DCP1B: variants seen among roughly 807,000 people sequenced by gnomAD.
DCP1B encodes decapping mRNA 1B.
A neutral mutation model predicts 60.5 loss-of-function variants in DCP1B; 47 were observed. The observed-to-expected ratio is 0.78, with a 90% confidence interval of 0.61 to 0.99. The LOEUF (loss-of-function observed/expected upper bound fraction) is 0.99. Ranked by LOEUF, DCP1B falls within the 50% of genes least tolerant of loss-of-function variation. The pLI, the probability that DCP1B is intolerant of heterozygous loss-of-function variation, is 0.00. For missense variants in DCP1B, 725 were observed against 756.8 expected, an observed-to-expected ratio of 0.96 and a Z score of 0.49; for synonymous variants, 267 against 280.3, an observed-to-expected ratio of 0.95 and a Z score of 0.47.
At position 1,949,081 on chromosome 12, in the gene DCP1B, C is replaced by T. The variant is rs780001147; in HGVS notation, c.1773+5G>A. ...GGTGCGAAGGGAGATGACGTGCTTG[C>T]TTACCTGAATGAGGTACAGCAGTGC... On this transcript the variant is annotated splice_donor_5th_base_variant and intron_variant, in intron 8 of 8. Coordinates refer to ENST00000280665, the MANE Select transcript of DCP1B (RefSeq NM_152640.5). The T allele has an allele frequency of 3.1e-6, 5 of 1,610,036 alleles. No individual in the cohort carries two copies. In the South Asian group the frequency reaches 4.4e-5, roughly 14 times the overall value.
intron 7 of DCP1B, among the ~76,000 whole-genome samples, chr12:1,951,091 G>A (rs1228205465): frequency 1.3e-5 from 2 of 152,056 alleles, no homozygotes; most frequent in Admixed American, 6.5e-5. Flanking sequence ...GGCCAACATC[G>A]TGACACCTCG....
intron 1 of DCP1B, among the ~76,000 whole-genome samples, chr12:2,002,075 T>G (rs1282736051): frequency 2.0e-5 from 3 of 152,182 alleles, no homozygotes; most frequent in African/African-American, 7.2e-5. Flanking sequence ...AGTCATCACA[T>G]AATCTTTCTT....
At chr12:1,950,806 C>G (rs993274271) in intron 7 of DCP1B, among the ~76,000 whole-genome samples, 5 of 152,042 alleles carry the variant, frequency 3.3e-5, no homozygotes, top group African/African-American at 1.2e-4. Flanking sequence ...GCCACCATAC[C>G]CGGCTAATTA....
chr12:1,986,591 G>A (rs911806834), intron 3 of DCP1B, among the ~76,000 whole-genome samples: 16 of 152,200 alleles, frequency 1.1e-4, no homozygotes, highest in Middle Eastern at 3.4e-3. Flanking sequence ...TCACGGTAGG[G>A]GTAGAAGAGT....
chr12:1,993,401 A>C lies in DCP1B; in HGVS notation c.192-10T>G, dbSNP rs756159533. On this transcript the variant is annotated splice_polypyrimidine_tract_variant and intron_variant, in intron 2 of 8. Coordinates refer to ENST00000280665, the MANE Select transcript of DCP1B (RefSeq NM_152640.5). ...CTTTGGAGAAGCAGACCTAAAAATC[A>C]CAAGGAGTCAGGGGGAAATCAATAG... The C allele has an allele frequency of 1.9e-6, 3 of 1,608,724 alleles. No homozygotes were observed. The Admixed American group carries it at 5.0e-5, about 27-fold the overall frequency.
At chr12:1,946,819 C>G (rs539108603) in intron 8 of DCP1B, among the ~76,000 whole-genome samples, 5 of 152,278 alleles carry the variant, frequency 3.3e-5, no homozygotes, top group African/African-American at 1.2e-4. Context: ...CCCACCTCAG[C>G]CTCCAGAGTA....
chr12:1,996,793 T>C (rs2041033381), intron 2 of DCP1B, among the ~76,000 whole-genome samples: 4 of 152,154 alleles, frequency 2.6e-5, no homozygotes. Context: ...CAGCAGCCCA[T>C]TCATTGCTCA....
At chr12:1,963,591 G>C (rs979742618) in intron 5 of DCP1B, among the ~76,000 whole-genome samples, 2 of 152,118 alleles carry the variant, frequency 1.3e-5, no homozygotes, top group Non-Finnish European at 2.9e-5. Context: ...CATTCAATGT[G>C]GTTTAATCCA....
downstream of DCP1B, among the ~76,000 whole-genome samples, chr12:1,942,924 G>C (rs2030315658): frequency 6.6e-6 from 1 of 152,136 alleles, no homozygotes; most frequent in Admixed American, 6.5e-5. Context: ...AAAGCTAACA[G>C]AAGACAAGAA....
chr12:1,964,503 C>CAATTTG (rs2031229863), intron 5 of DCP1B, among the ~76,000 whole-genome samples: 1 of 151,888 alleles, frequency 6.6e-6, no homozygotes, highest in South Asian at 2.1e-4. Flanking sequence ...TTCTCTTTTC[C>CAATTTG]TAGATTATAA....
chr12:1,943,817 A>G (rs1272069048), downstream of DCP1B, among the ~76,000 whole-genome samples: 1 of 152,202 alleles, frequency 6.6e-6, no homozygotes, highest in Non-Finnish European at 1.5e-5. Context: ...TTTATGACAA[A>G]CCCACAGCCA....
chr12:1,989,509 T>C (rs1260340241), intron 3 of DCP1B, among the ~76,000 whole-genome samples: 1 of 152,124 alleles, frequency 6.6e-6, no homozygotes, highest in Admixed American at 6.5e-5. Flanking sequence ...AAGTCAGGAG[T>C]TTGAGACCAT....
intron 3 of DCP1B, among the ~76,000 whole-genome samples, chr12:1,985,652 C>T (rs1254760430): frequency 6.6e-6 from 1 of 152,070 alleles, no homozygotes; most frequent in African/African-American, 2.4e-5. Flanking sequence ...TTGGATTGCA[C>T]CCTGGACATT....
At chr12:1,998,480 G>C (rs2041457403) in intron 1 of DCP1B, among the ~76,000 whole-genome samples, 1 of 152,122 alleles carries the variant, frequency 6.6e-6, no homozygotes, top group Admixed American at 6.5e-5. Context: ...AGACAGAGAG[G>C]GCAATGATGC....
At chr12:1,975,881 T>C (rs976600202) in intron 3 of DCP1B, among the ~76,000 whole-genome samples, 1 of 152,180 alleles carries the variant, frequency 6.6e-6, no homozygotes, top group East Asian at 1.9e-4. Flanking sequence ...CTGGCAGTTA[T>C]GATGGAGAAG....
intron 6 of DCP1B, 112 bp downstream of exon 6, chr12:1,955,320 T>C (rs1360144684): frequency 8.0e-7 from 1 of 1,256,544 alleles, no homozygotes; most frequent in African/African-American, 1.5e-5. Flanking sequence ...TTCTTGGGTT[T>C]ACCTGAAAGC....
intron 2 of DCP1B, among the ~76,000 whole-genome samples, chr12:1,995,365 C>T (rs2040555913): frequency 6.6e-6 from 1 of 152,348 alleles, no homozygotes; most frequent in South Asian, 2.1e-4. Flanking sequence ...ACAGTGCAAC[C>T]CTATGGCTTT....
intron 2 of DCP1B, among the ~76,000 whole-genome samples, chr12:1,996,659 CAAACT>C (rs2040985486): frequency 4.3e-5 from 2 of 46,176 alleles, no homozygotes; most frequent in African/African-American, 2.2e-4. Flanking sequence ...AAAAAAACAA[CAAACT>C]CTTCTAATGT....
At chr12:1,956,473 G>C (rs2030889116) in intron 5 of DCP1B, among the ~76,000 whole-genome samples, 1 of 152,184 alleles carries the variant, frequency 6.6e-6, no homozygotes, top group South Asian at 2.1e-4. Flanking sequence ...GTGTTTTACA[G>C]TTATCAATGT....
Sources: gnomAD v4.1 joint callset for allele counts (sites outside exome capture counted in the v4.1 genomes callset) on GRCh38, gnomAD v4.1.1 for gene constraint, MANE v1.5 for transcripts, NCBI Gene and HGNC (gene_info 2026-07-23, HGNC 2026-07-21) for gene names.